The following TRIM37 variants were observed in gnomAD, a reference collection of about 807,000 sequenced individuals.
The protein encoded by TRIM37 is tripartite motif containing 37.
Under a neutral mutation model 129.8 loss-of-function variants are expected in TRIM37, and 80 were observed. The observed-to-expected ratio is 0.62, with a 90% CI of 0.51 to 0.74. The LOEUF (loss-of-function observed/expected upper bound fraction) is 0.74. TRIM37 is among the 30% of genes least tolerant of loss of function. The pLI is 0.00. For missense variants in TRIM37, 1,054 were observed against 1,176.5 expected, an observed-to-expected ratio of 0.90 and a Z score of 1.52; for synonymous variants, 389 against 387.1, an observed-to-expected ratio of 1.00 and a Z score of -0.06.
intron 24 of TRIM37, among the ~76,000 whole-genome samples, chr17:58,988,628 C>T (rs983064027): frequency 6.6e-6 from 1 of 152,098 alleles, no homozygotes; most frequent in East Asian, 1.9e-4. Flanking sequence ...CCCCAGCCCC[C>T]GTTACACTTC....
chr17:59,053,723 A>G (rs1446440104), intron 13 of TRIM37, among the ~76,000 whole-genome samples: 1 of 152,238 alleles, frequency 6.6e-6, no homozygotes, highest in Non-Finnish European at 1.5e-5. Flanking sequence ...ATGAAATAGC[A>G]ATAAATTATT....
chr17:59,056,992 C>T lies in TRIM37; in HGVS notation c.1082G>A (p.Arg361Gln). The T allele has an allele frequency of 2.5e-6, 4 of 1,613,720 alleles. No homozygotes were observed. The highest frequency in any genetic ancestry group is 2.2e-5 in the East Asian group (1 of 44,800). The stretch of plus-strand genomic sequence containing the variant: ...AACTTCAAAGTCAGATGCAAATTCT[C>T]GAATGATATTTTTTGTAGGATCATT... ...SCNDPTKNII[R>Q]EFASDFEVGE... Residue 361 changes from arginine to glutamine, a missense_variant, in exon 13 of 24, where the codon CGA (arginine) becomes CAA (glutamine). Transcript: ENST00000262294.
intron 22 of TRIM37, among the ~76,000 whole-genome samples, chr17:59,008,037 T>C (rs1028020434): frequency 2.0e-5 from 3 of 152,222 alleles, no homozygotes; most frequent in Non-Finnish European, 4.4e-5. Context: ...TCCTGAGAAC[T>C]TGCTCTTGCT....
chr17:59,053,564 T>TA (rs1372450742), intron 13 of TRIM37, among the ~76,000 whole-genome samples: 1 of 152,076 alleles, frequency 6.6e-6, no homozygotes, highest in Non-Finnish European at 1.5e-5. Flanking sequence ...CAATGTTGCT[T>TA]AAAAAAAATG....
chr17:59,013,876 G>GA (rs544773204), intron 21 of TRIM37, among the ~76,000 whole-genome samples: 6 of 148,214 alleles, frequency 4.0e-5, no homozygotes, highest in Non-Finnish European at 8.9e-5. Context: ...AATCAGGCAG[G>GA]AAAAAAAAAG....
At chr17:59,103,548 G>C (rs2045716999) in intron 2 of TRIM37, among the ~76,000 whole-genome samples, 1 of 151,466 alleles carries the variant, frequency 6.6e-6, no homozygotes, top group African/African-American at 2.4e-5. Flanking sequence ...CACCATGTTG[G>C]TCAGGCTGTT....
chr17:59,028,395 A>G lies in TRIM37; in HGVS notation c.2257+20T>C. 1 of 1,606,386 alleles carries G rather than the reference A, an allele frequency of 6.2e-7. No individual in the cohort carries two copies. The highest frequency in any genetic ancestry group is 8.5e-7 in the Non-Finnish European group (1 of 1,178,870). On this transcript the variant is annotated intron_variant, in intron 19 of 23. Coordinates refer to ENST00000262294, the MANE Select transcript of TRIM37 (RefSeq NM_015294.6). Reference sequence around the variant, plus strand: ...CCCAAATAACGTGTGGAGAAATGACACTGGGAACATATTACTTACAGTTTC... The same window carrying G: ...CCCAAATAACGTGTGGAGAAATGACGCTGGGAACATATTACTTACAGTTTC...
chr17:58,999,327 C>G lies in TRIM37; in HGVS notation c.*50G>C. 3 of 1,613,144 alleles carry G rather than the reference C, an allele frequency of 1.9e-6. No individual in the cohort carries two copies. The highest frequency in any genetic ancestry group is 2.5e-6 in the Non-Finnish European group (3 of 1,179,576). On this transcript the variant is annotated 3_prime_UTR_variant, in exon 24 of 24. Coordinates refer to ENST00000262294, the MANE Select transcript of TRIM37 (RefSeq NM_015294.6). ...TGACAAATTTGAGCACCAACTACAG[C>G]AAAATTCAGGGTCAAGGTAGCTTGC... is the stretch of plus-strand genomic sequence containing the variant.
chr17:59,067,811 C>T (rs914810813), intron 9 of TRIM37, among the ~76,000 whole-genome samples: 2 of 146,040 alleles, frequency 1.4e-5, no homozygotes, highest in African/African-American at 4.9e-5. Context: ...GCTGGGGTTA[C>T]AGGCATGAGC....
At chr17:59,081,033 A>G (rs2043208314) in intron 6 of TRIM37, 64 bp downstream of exon 6, 1 of 920,884 alleles carries the variant, frequency 1.1e-6, no homozygotes, top group East Asian at 4.8e-5. Context: ...CTTATATTAT[A>G]TAAATATATT....
At chr17:59,061,237 C>T (rs1599266722) in intron 11 of TRIM37, 129 bp from the exon 12 acceptor site, 6 of 737,962 alleles carry the variant, frequency 8.1e-6, no homozygotes, top group East Asian at 2.8e-5. Context: ...TAATTAAAAA[C>T]ACCAATAGAT....
intron 18 of TRIM37, among the ~76,000 whole-genome samples, chr17:59,030,925 C>G (rs1261595343): frequency 2.0e-5 from 3 of 152,150 alleles, no homozygotes; most frequent in Non-Finnish European, 4.4e-5. Context: ...GCAAACAACA[C>G]TTAACATTTA....
chr17:59,074,629 A>G (rs1034627377), intron 8 of TRIM37, among the ~76,000 whole-genome samples: 2 of 152,198 alleles, frequency 1.3e-5, no homozygotes, highest in Non-Finnish European at 2.9e-5. Flanking sequence ...GTAAACCAAG[A>G]AAGTGGAAAC....
intron 21 of TRIM37, among the ~76,000 whole-genome samples, chr17:59,013,339 T>C (rs917092084): frequency 2.6e-5 from 4 of 152,060 alleles, no homozygotes; most frequent in Non-Finnish European, 5.9e-5. Flanking sequence ...GTAGAGACAG[T>C]GTTTCACCAT....
At chr17:59,049,510 T>G in intron 14 of TRIM37, 117 bp from the exon 15 acceptor site, 1 of 942,264 alleles carries the variant, frequency 1.1e-6, no homozygotes, top group Non-Finnish European at 1.6e-6. Context: ...TATTTATTTT[T>G]TGAGAATGGT....
At position 59,070,908 on chromosome 17, in the gene TRIM37, A is replaced by G. The variant is rs766928811; in HGVS notation, c.724T>C (p.Ser242Pro). 4 of 1,614,070 alleles carry G rather than the reference A, an allele frequency of 2.5e-6. No homozygotes were observed. The African/African-American group carries it at 4.0e-5, about 16-fold the overall frequency. ...CSKSELISKS[S>P]EILMMFQQVH... ...TGCTGAAACATCATAAGGATCTCTG[A>G]GCTCTTAGATATCAACTCACTCTTA... The change falls in exon 9 of 24, where the codon TCA (serine) becomes CCA (proline). Residue 242 changes from serine (S) to proline (P), a missense_variant. This residue lies in a region of TRIM37 where 752 missense variants were observed against 870.8 expected (regional missense o/e 0.86). Transcript: ENST00000262294.
intron 2 of TRIM37, among the ~76,000 whole-genome samples, chr17:59,093,809 T>C (rs1020818422): frequency 6.6e-6 from 1 of 152,238 alleles, no homozygotes; most frequent in Non-Finnish European, 1.5e-5. Context: ...ATCATGTCCA[T>C]AAAATTTCCT....
At chr17:59,057,251 T>C (rs1292031918) in intron 12 of TRIM37, among the ~76,000 whole-genome samples, 197 bp from the exon 13 acceptor site, 1 of 152,246 alleles carries the variant, frequency 6.6e-6, no homozygotes, top group African/African-American at 2.4e-5. Context: ...GTTTCACTCT[T>C]GTTGCCCAGG....
chr17:58,980,836 C>T, downstream of TRIM37: 1 of 1,614,208 alleles, frequency 6.2e-7, no homozygotes, highest in Non-Finnish European at 8.5e-7. This position sits in a 1 kb window ranked among gnomAD's most constrained non-coding sequence, Gnocchi z 4.7. Flanking sequence ...ATTCATTTCT[C>T]TCTGCTCAAG....
Sources: allele counts gnomAD v4.1 joint callset (sites outside exome capture counted in the v4.1 genomes callset), GRCh38; gene constraint gnomAD v4.1.1; regional missense constraint gnomAD v4.1.1; non-coding constraint Gnocchi (gnomAD v3.1); transcripts MANE v1.5; gene names NCBI Gene and HGNC (gene_info 2026-07-23, HGNC 2026-07-21).